HSD17B4: variants seen among roughly 807,000 people sequenced by gnomAD.
The protein encoded by HSD17B4 is peroxisomal multifunctional enzyme type 2.
A neutral mutation model predicts 101.0 loss-of-function variants in HSD17B4; 70 were observed. The observed-to-expected ratio is 0.69, with a 90% confidence interval of 0.57 to 0.85. The LOEUF (loss-of-function observed/expected upper bound fraction) is 0.85. Among genes scored for constraint, HSD17B4 ranks in the 40% least tolerant of loss-of-function variants. The pLI is 0.00. For synonymous variants in HSD17B4, 347 were observed against 297.1 expected (o/e 1.17, Z -1.73); for missense variants, 984 against 892.4 (o/e 1.10, Z -1.31).
At chr5:119,454,429 C>T (rs1292582794) in intron 1 of HSD17B4, among the ~76,000 whole-genome samples, 1 of 151,828 alleles carries the variant, frequency 6.6e-6, no homozygotes, top group African/African-American at 2.4e-5. Context: ...CATCAGCTTC[C>T]AGACTAGCTA....
At chr5:119,461,979 A>G (rs1424337507) in intron 2 of HSD17B4, among the ~76,000 whole-genome samples, 2 of 152,206 alleles carry the variant, frequency 1.3e-5, no homozygotes, top group African/African-American at 4.8e-5. Flanking sequence ...AATCTTCTGT[A>G]GTTAATAGAC....
intron 14 of HSD17B4, among the ~76,000 whole-genome samples, chr5:119,503,741 CTGTT>C (rs962277999): frequency 1.8e-4 from 26 of 141,306 alleles, no homozygotes; most frequent in Non-Finnish European, 3.9e-4. Flanking sequence ...TCTTTTCTGT[CTGTT>C]TTTTTTTTTT....
chr5:119,471,219 A>G (rs1397080487), intron 2 of HSD17B4, among the ~76,000 whole-genome samples: 3 of 152,174 alleles, frequency 2.0e-5, no homozygotes, highest in Non-Finnish European at 4.4e-5. Context: ...GAAATGAACA[A>G]TTAATAAGAA....
Position 119,475,863 on chromosome 5 carries a change from A to G in HSD17B4, c.342A>G (p.Glu114=). Residue 114 remains glutamate, a synonymous_variant, in exon 6 of 24, where the codon GAA becomes GAG. Coordinates refer to ENST00000510025, the MANE Select transcript of HSD17B4 (RefSeq NM_000414.4). ...GTTCCTTTGCTAGGATAAGTGATGA[A>G]GACTGGGGTAAGTTGTTTTTAGTAT... ...RDRSFARISD[E]DWDIIHRVHL... 6.3e-7 allele frequency: 1 copy of G among 1,593,436 alleles called. No homozygotes were observed. Among genetic ancestry groups the G allele is most frequent in the Non-Finnish European group, 8.6e-7 (1 of 1,161,406 alleles).
intron 19 of HSD17B4, among the ~76,000 whole-genome samples, chr5:119,526,731 T>G (rs1417205079): frequency 6.6e-6 from 1 of 151,932 alleles, no homozygotes; most frequent in African/African-American, 2.4e-5. Context: ...TATAAAAAAT[T>G]ATGAAATAAA....
chr5:119,481,519 A>C (rs1749129972), intron 8 of HSD17B4, among the ~76,000 whole-genome samples: 1 of 152,222 alleles, frequency 6.6e-6, no homozygotes, highest in Non-Finnish European at 1.5e-5. Context: ...CTAAGATTGC[A>C]ATAAAGCAAG....
chr5:119,489,224 G>A lies in HSD17B4; in HGVS notation c.655G>A (p.Ala219Thr). The A allele has an allele frequency of 1.9e-6, 3 of 1,612,300 alleles. No homozygotes were observed. The highest frequency in any genetic ancestry group is 2.5e-6 in the Non-Finnish European group (3 of 1,178,648). ...LVEALKPEYV[A>T]PLVLWLCHES... is the part of the protein sequence containing the mutation. ...GGAAGCCCTGAAGCCAGAGTATGTGGCACCTCTTGTCCTTTGGCTTTGTCA... is the reference window on the plus strand; with the variant it reads ...GGAAGCCCTGAAGCCAGAGTATGTGACACCTCTTGTCCTTTGGCTTTGTCA... The change falls in exon 9 of 24, where the codon GCA becomes ACA. Residue 219 changes from alanine (A) to threonine (T), a missense_variant. Ala to Thr is a moderately conservative substitution (Grantham distance 58). Transcript: ENST00000510025.
intron 17 of HSD17B4, among the ~76,000 whole-genome samples, chr5:119,524,036 CATTTT>C (rs1753354399): frequency 1.3e-5 from 2 of 152,074 alleles, no homozygotes; most frequent in South Asian, 4.1e-4. Flanking sequence ...TATTTGCTAA[CATTTT>C]ATTATATAAA....
chr5:119,453,624 A>G (rs779098389), intron 1 of HSD17B4, among the ~76,000 whole-genome samples: 1 of 152,214 alleles, frequency 6.6e-6, no homozygotes, highest in Non-Finnish European at 1.5e-5. Context: ...ATTAAACGTT[A>G]CAAACTGGAA....
intron 17 of HSD17B4, among the ~76,000 whole-genome samples, chr5:119,521,712 C>A (rs1032483783): frequency 6.6e-6 from 1 of 151,546 alleles, no homozygotes; most frequent in African/African-American, 2.4e-5. Context: ...CCATTTCTTT[C>A]TTGAATTTAA....
In HSD17B4 at chr5:119,492,086, CCT is replaced by C; in HGVS notation, c.715-11_715-10del. The C allele has an allele frequency of 6.2e-7, 1 of 1,604,872 alleles. No individual in the cohort carries two copies. Among genetic ancestry groups the C allele is most frequent in the Non-Finnish European group, 8.5e-7 (1 of 1,171,948 alleles). ...ACATTAGATGGTATAATGTTTTCCC[CCT>C]CTTTTTGGTAGGTTGGAGCAGGATG... On this transcript the variant is annotated splice_polypyrimidine_tract_variant and intron_variant, in intron 9 of 23. Coordinates refer to ENST00000510025, the MANE Select transcript of HSD17B4 (RefSeq NM_000414.4).
At chr5:119,492,165 T>G (rs767278981) in intron 10 of HSD17B4, 41 bp downstream of exon 10, 1 of 1,487,666 alleles carries the variant, frequency 6.7e-7, no homozygotes, top group Non-Finnish European at 9.4e-7. Flanking sequence ...GATTATTTCC[T>G]TATCTTTAAA....
intron 1 of HSD17B4, 60 bp downstream of exon 1, chr5:119,452,693 C>G (rs1026492636): frequency 2.7e-5 from 43 of 1,609,948 alleles, no homozygotes; most frequent in Non-Finnish European, 3.6e-5. Flanking sequence ...CTGCTCTTTT[C>G]GGGCCGGCAT....
chr5:119,524,742 T>G (rs889241511), intron 17 of HSD17B4, among the ~76,000 whole-genome samples: 1 of 152,138 alleles, frequency 6.6e-6, no homozygotes. Context: ...GAGCTAATGT[T>G]CAGGATTTAG....
At chr5:119,492,037 T>A (rs1331315637) in intron 9 of HSD17B4, 63 bp from the exon 10 acceptor site, 2 of 1,367,172 alleles carry the variant, frequency 1.5e-6, no homozygotes, top group African/African-American at 1.4e-5. Flanking sequence ...TTTTTCTAAT[T>A]AAAACAATTG....
chr5:119,530,593 C>T (rs1481668254), intron 21 of HSD17B4, among the ~76,000 whole-genome samples: 1 of 151,334 alleles, frequency 6.6e-6, no homozygotes, highest in Non-Finnish European at 1.5e-5. Context: ...TGCCTCACGC[C>T]TGTAATCCCA....
intron 22 of HSD17B4, among the ~76,000 whole-genome samples, 173 bp downstream of exon 22, chr5:119,531,577 G>A (rs1033129511): frequency 1.3e-5 from 2 of 151,300 alleles, no homozygotes; most frequent in African/African-American, 4.9e-5. Context: ...GGGTGTGTGT[G>A]TGTGTGTGTG....
intron 17 of HSD17B4, among the ~76,000 whole-genome samples, chr5:119,522,097 C>G (rs931444347): frequency 2.0e-5 from 3 of 152,132 alleles, no homozygotes; most frequent in Middle Eastern, 3.4e-3. Context: ...TCCCCCACCC[C>G]ACAACAGGCC....
intron 21 of HSD17B4, 50 bp downstream of exon 21, chr5:119,530,030 A>G (rs1224372896): frequency 9.2e-7 from 1 of 1,081,128 alleles, no homozygotes; most frequent in African/African-American, 1.6e-5. Flanking sequence ...TAGGAATTTC[A>G]GTTAAGGTGA....
Sources: gnomAD v4.1 joint callset for allele counts (sites outside exome capture counted in the v4.1 genomes callset) on GRCh38, gnomAD v4.1.1 for gene constraint, MANE v1.5 for transcripts, NCBI Gene and HGNC (gene_info 2026-07-23, HGNC 2026-07-21) for gene names.